The following EYS variants were observed in gnomAD, a reference collection of about 807,000 sequenced individuals.
EYS encodes the protein protein eyes shut homolog.
A neutral mutation model predicts 282.1 loss-of-function variants in EYS; 250 were observed. The observed-to-expected ratio is 0.89, with a 90% CI of 0.80 to 0.98. The LOEUF is 0.98. EYS is among the 50% of genes least tolerant of loss of function. The pLI, the probability that EYS is intolerant of heterozygous loss-of-function variation, is 0.00. For missense variants in EYS, 4,016 were observed against 3,709.0 expected, an observed-to-expected ratio of 1.08 and a Z score of -2.15; for synonymous variants, 1,355 against 1,282.9, an observed-to-expected ratio of 1.06 and a Z score of -1.20.
intron 26 of EYS, among the ~76,000 whole-genome samples, chr6:64,529,610 C>T (rs962520807): frequency 1.3e-5 from 2 of 148,194 alleles, no homozygotes; most frequent in African/African-American, 4.9e-5. Context: ...TGATGCTTTT[C>T]TTATGAGTAT....
intron 2 of EYS, among the ~76,000 whole-genome samples, chr6:65,592,897 T>A (rs2127369137): frequency 6.6e-6 from 1 of 152,162 alleles, no homozygotes; most frequent in African/African-American, 2.4e-5. Flanking sequence ...TTGTGATTCC[T>A]GCACGTAGCA....
chr6:65,039,627 C>T (rs1170194557), intron 13 of EYS, among the ~76,000 whole-genome samples: 1 of 151,386 alleles, frequency 6.6e-6, no homozygotes. Context: ...TTTAATTTCT[C>T]TTCGCAATGT....
intron 13 of EYS, among the ~76,000 whole-genome samples, chr6:65,023,712 A>T (rs970550817): frequency 6.6e-6 from 1 of 152,102 alleles, no homozygotes; most frequent in African/African-American, 2.4e-5. Flanking sequence ...GACAGAGGAG[A>T]CTCGGGTTTG....
chr6:64,548,900 T>C (rs1218824824), intron 26 of EYS, among the ~76,000 whole-genome samples: 2 of 152,170 alleles, frequency 1.3e-5, no homozygotes, highest in African/African-American at 2.4e-5. Flanking sequence ...CTCCCAACTG[T>C]TGCCCATCTC....
At chr6:65,254,810 G>T (rs1767416812) in intron 12 of EYS, among the ~76,000 whole-genome samples, 1 of 151,688 alleles carries the variant, frequency 6.6e-6, no homozygotes, top group Non-Finnish European at 1.5e-5. Context: ...ATACACAAAA[G>T]GAAACAGCAC....
intron 14 of EYS, among the ~76,000 whole-genome samples, chr6:64,992,705 G>A (rs761883221): frequency 7.9e-5 from 12 of 151,990 alleles, no homozygotes; most frequent in Admixed American, 3.3e-4. Context: ...CTGGAACTCC[G>A]GAGCTCTGAT....
intron 12 of EYS, among the ~76,000 whole-genome samples, chr6:65,246,486 T>C (rs886144776): frequency 2.6e-5 from 4 of 152,112 alleles, no homozygotes; most frequent in African/African-American, 9.7e-5. Context: ...TGGGTTTAGA[T>C]TTCAATTTAA....
At chr6:64,217,923 T>C (rs11753432) in intron 31 of EYS, among the ~76,000 whole-genome samples, 55,654 of 152,062 alleles carry the variant, frequency 0.37, 10,266 homozygotes, top group East Asian at 0.54. Context: ...CAGAAATAGT[T>C]GATAGTGGGA....
chr6:64,482,915 A>G (rs888697830), intron 26 of EYS, among the ~76,000 whole-genome samples: 1 of 151,672 alleles, frequency 6.6e-6, no homozygotes, highest in African/African-American at 2.4e-5. Context: ...AATTAGAAAT[A>G]AAAGCCATAG....
In EYS at chr6:64,297,977, C is replaced by CAAAA. The variant is rs34562408; in HGVS notation, c.6191+8989_6191+8992dup. ...TTGGCAACAGAGCAAGATTCTGTCT[C>CAAAA]AAAAAAAAAAAAAAAAAAAAAATTA... On this transcript the variant is annotated intron_variant, in intron 30 of 42. Coordinates refer to ENST00000503581, the MANE Select transcript of EYS (RefSeq NM_001142800.2). 2.2e-3 allele frequency among the ~76,000 whole-genome samples: 216 copies of CAAAA among 96,426 alleles called. 3 individuals are homozygous for CAAAA. Among genetic ancestry groups the CAAAA allele is most frequent in the African/African-American group, 7.8e-3 (203 of 26,020 alleles). The allele number at this position is 96,426 out of a possible 152,430, so 63.3% of individuals were successfully genotyped here.
chr6:65,330,938 C>T lies in EYS; in HGVS notation c.1766+4042G>A, dbSNP rs1769775285. On this transcript the variant is annotated intron_variant, in intron 11 of 42. Transcript: ENST00000503581. ...CATTTACTAAAGAACCCTGTATGTTCAAATGAGATTATAGCCAAATTTCTC... is the reference window on the plus strand; with the variant it reads ...CATTTACTAAAGAACCCTGTATGTTTAAATGAGATTATAGCCAAATTTCTC... 3.0e-6 allele frequency: 3 copies of T among 984,100 alleles called. 1 individual carries two copies. Among genetic ancestry groups the T allele is most frequent in the African/African-American group, 3.5e-5 (2 of 57,216 alleles). 61.0% of individuals were successfully genotyped at this position (984,100 alleles called of 1,614,324 possible). A position where few individuals can be genotyped will look rare whatever the true frequency, so the allele number is the denominator to read the frequency against.
Position 64,383,262 on chromosome 6 carries a change from G to A in EYS, c.6078+5428C>T, listed in dbSNP as rs1194802894. On this transcript the variant is annotated intron_variant, in intron 29 of 42. Coordinates refer to ENST00000503581, the MANE Select transcript of EYS (RefSeq NM_001142800.2). ...GCTGCAGTGAGCCAAGATTGCACCAGTGCACTTCAGCCTGGGTGACAAAAG... is the reference window on the plus strand; with the variant it reads ...GCTGCAGTGAGCCAAGATTGCACCAATGCACTTCAGCCTGGGTGACAAAAG... Among the ~76,000 whole-genome samples, 3 of 152,268 alleles carry A rather than the reference G, an allele frequency of 2.0e-5. No individual in the cohort carries two copies. The East Asian group carries it at 5.8e-4, about 29-fold the overall frequency.
At chr6:65,488,463 A>C (rs959875059) in intron 5 of EYS, among the ~76,000 whole-genome samples, 2 of 152,204 alleles carry the variant, frequency 1.3e-5, no homozygotes, top group Admixed American at 1.3e-4. Flanking sequence ...ACCACTGCTC[A>C]AGGAAATAAG....
chr6:64,066,634 A>G (rs912641194), intron 32 of EYS, 143 bp from the exon 33 acceptor site: 3 of 618,970 alleles, frequency 4.8e-6, no homozygotes, highest in African/African-American at 3.7e-5. Context: ...TCAGTGTAAT[A>G]AGTACCATAT....
At chr6:64,564,751 C>A (rs1765511036) in intron 26 of EYS, among the ~76,000 whole-genome samples, 1 of 148,898 alleles carries the variant, frequency 6.7e-6, no homozygotes, top group East Asian at 2.0e-4. Flanking sequence ...AACACATGGA[C>A]ACAGGGAGGG....
intron 32 of EYS, among the ~76,000 whole-genome samples, chr6:64,067,956 C>T (rs1425620965): frequency 6.6e-6 from 1 of 152,002 alleles, no homozygotes; most frequent in East Asian, 1.9e-4. Flanking sequence ...CTGCTATGAG[C>T]ATTTTATATA....
At chr6:64,507,361 C>T (rs1380853530) in intron 26 of EYS, among the ~76,000 whole-genome samples, 1 of 152,058 alleles carries the variant, frequency 6.6e-6, no homozygotes, top group Admixed American at 6.5e-5. Context: ...AAAATGAAGT[C>T]TTCATGGCTC....
chr6:65,083,732 C>A (rs1774287781), intron 12 of EYS, among the ~76,000 whole-genome samples: 1 of 151,666 alleles, frequency 6.6e-6, no homozygotes, highest in African/African-American at 2.4e-5. Context: ...AAAAAATATT[C>A]CTTTTATTGA....
intron 12 of EYS, among the ~76,000 whole-genome samples, chr6:65,237,918 G>T (rs1182586246): frequency 1.3e-5 from 2 of 151,992 alleles, no homozygotes; most frequent in Non-Finnish European, 1.5e-5. Context: ...TTTGGCAAAA[G>T]AAAAATGGTA....
Sources: gnomAD v4.1 joint callset for allele counts (sites outside exome capture counted in the v4.1 genomes callset) on GRCh38, gnomAD v4.1.1 for gene constraint, MANE v1.5 for transcripts, NCBI Gene and HGNC (gene_info 2026-07-23, HGNC 2026-07-21) for gene names.